The following KCND2 variants were observed in gnomAD, a reference collection of about 807,000 sequenced individuals.
The protein encoded by KCND2 is potassium voltage-gated channel subfamily D member 2.
Under a neutral mutation model 54.4 loss-of-function variants are expected in KCND2, and 16 were observed. The ratio of observed to expected loss-of-function variants is 0.29; its 90% confidence interval spans 0.20 to 0.45. The LOEUF is 0.45. Ranked by LOEUF, KCND2 falls within the 20% of genes least tolerant of loss-of-function variation. KCND2 has a pLI of 1.00. For missense variants in KCND2, 486 were observed against 824.2 expected, an observed-to-expected ratio of 0.59 and a Z score of 5.02; for synonymous variants, 317 against 310.7, an observed-to-expected ratio of 1.02 and a Z score of -0.21.
At chr7:120,584,799 C>A (rs1792571748) in intron 1 of KCND2, among the ~76,000 whole-genome samples, 3 of 152,002 alleles carry the variant, frequency 2.0e-5, no homozygotes, top group Non-Finnish European at 4.4e-5. Context: ...GTGAAAGATG[C>A]AATATTAGTT....
At chr7:120,534,631 A>G (rs1791880432) in intron 1 of KCND2, among the ~76,000 whole-genome samples, 1 of 152,196 alleles carries the variant, frequency 6.6e-6, no homozygotes, top group Non-Finnish European at 1.5e-5. Context: ...ATAGCAATGT[A>G]TCAATGTCAA....
At chr7:120,438,842 C>T (rs948972942) in intron 1 of KCND2, among the ~76,000 whole-genome samples, 1 of 151,952 alleles carries the variant, frequency 6.6e-6, no homozygotes, top group Non-Finnish European at 1.5e-5. Context: ...ATTTTCAATT[C>T]GTGTATATAG....
intron 1 of KCND2, among the ~76,000 whole-genome samples, chr7:120,388,231 AAGTTTTAAGTTCAACTATAAATCCAT>A (rs1226507075): frequency 2.6e-5 from 4 of 152,048 alleles, no homozygotes; most frequent in African/African-American, 7.2e-5. Flanking sequence ...AATAAAATCC[AAGTTTTAAGTTCAACTATAAATCCAT>A]AGTTTTAAGT....
At chr7:120,422,725 A>G (rs1191293607) in intron 1 of KCND2, among the ~76,000 whole-genome samples, 1 of 152,146 alleles carries the variant, frequency 6.6e-6, no homozygotes, top group African/African-American at 2.4e-5. Flanking sequence ...CAGCCCAGGC[A>G]GTGTGGTTAT....
At chr7:120,614,730 A>T (rs1366167416) in intron 1 of KCND2, among the ~76,000 whole-genome samples, 1 of 152,246 alleles carries the variant, frequency 6.6e-6, no homozygotes, top group African/African-American at 2.4e-5. Context: ...TATTTTTCTA[A>T]TGTTAAGTAA....
intron 1 of KCND2, among the ~76,000 whole-genome samples, chr7:120,690,106 T>A (rs1448554112): frequency 6.6e-6 from 1 of 152,238 alleles, no homozygotes; most frequent in Non-Finnish European, 1.5e-5. Flanking sequence ...TGTTTTCTTT[T>A]TTCAAAGATC....
At chr7:120,677,538 T>TA (rs1792079401) in intron 1 of KCND2, among the ~76,000 whole-genome samples, 1 of 139,538 alleles carries the variant, frequency 7.2e-6, no homozygotes, top group African/African-American at 2.9e-5. Context: ...TAGATATAGA[T>TA]ATAGATATAG....
intron 1 of KCND2, among the ~76,000 whole-genome samples, chr7:120,462,872 A>T (rs888455638): frequency 6.6e-6 from 1 of 152,190 alleles, no homozygotes; most frequent in African/African-American, 2.4e-5. Context: ...AAGTGTGCAA[A>T]TATTGAATAT....
At chr7:120,491,185 G>A (rs1282208732) in intron 1 of KCND2, among the ~76,000 whole-genome samples, 1 of 152,100 alleles carries the variant, frequency 6.6e-6, no homozygotes, top group Non-Finnish European at 1.5e-5. Context: ...ACATGAACAA[G>A]TATTACATAC....
intron 1 of KCND2, among the ~76,000 whole-genome samples, chr7:120,578,541 A>G (rs953147099): frequency 5.9e-5 from 9 of 152,090 alleles, no homozygotes; most frequent in African/African-American, 2.2e-4. Flanking sequence ...TGTCCAGCCT[A>G]GCGAACATGG....
chr7:120,572,732 G>A (rs1230478994), intron 1 of KCND2, among the ~76,000 whole-genome samples: 2 of 152,100 alleles, frequency 1.3e-5, no homozygotes, highest in Admixed American at 1.3e-4. Flanking sequence ...TGGCCAGGCT[G>A]GTCTTTAACT....
intron 1 of KCND2, among the ~76,000 whole-genome samples, chr7:120,365,870 A>G (rs1252378893): frequency 1.3e-5 from 2 of 152,172 alleles, no homozygotes; most frequent in Admixed American, 6.6e-5. Context: ...CAACATAAAT[A>G]TAACTGAAAA....
At chr7:120,564,449 T>C (rs1240655642) in intron 1 of KCND2, among the ~76,000 whole-genome samples, 1 of 152,156 alleles carries the variant, frequency 6.6e-6, no homozygotes, top group African/African-American at 2.4e-5. Context: ...ATTAGAGCTG[T>C]TTGAATAATA....
chr7:120,592,661 A>T (rs1043621653), intron 1 of KCND2, among the ~76,000 whole-genome samples: 1 of 152,226 alleles, frequency 6.6e-6, no homozygotes, highest in Non-Finnish European at 1.5e-5. Context: ...TTTCTTCATC[A>T]TGCATCAGTG....
chr7:120,307,189 C>T (rs1402076546), intron 1 of KCND2, among the ~76,000 whole-genome samples: 7 of 151,724 alleles, frequency 4.6e-5, no homozygotes, highest in African/African-American at 1.7e-4. Context: ...ACACAAACCC[C>T]TTTGTTTAAC....
intron 1 of KCND2, among the ~76,000 whole-genome samples, chr7:120,583,239 A>T (rs909576590): frequency 2.0e-5 from 3 of 152,048 alleles, no homozygotes; most frequent in Non-Finnish European, 4.4e-5. Flanking sequence ...ACAGAGCAGG[A>T]CCCACCGACA....
intron 1 of KCND2, among the ~76,000 whole-genome samples, chr7:120,665,760 A>G (rs552924717): frequency 1.1e-4 from 16 of 152,236 alleles, no homozygotes; most frequent in African/African-American, 3.4e-4. Flanking sequence ...TAATTTTGCA[A>G]TGATCAAAGT....
intron 1 of KCND2, among the ~76,000 whole-genome samples, chr7:120,400,748 G>A (rs991481839): frequency 6.6e-6 from 1 of 152,082 alleles, no homozygotes; most frequent in South Asian, 2.1e-4. Context: ...TAATTCAGTA[G>A]GCTATGCAGT....
At chr7:120,474,076 G>T (rs1562848777) in intron 1 of KCND2, among the ~76,000 whole-genome samples, 1 of 152,170 alleles carries the variant, frequency 6.6e-6, no homozygotes, top group Admixed American at 6.5e-5. Flanking sequence ...CTTCCCTGTG[G>T]CACTCTGTGG....
Sources: gnomAD v4.1 joint callset for allele counts (sites outside exome capture counted in the v4.1 genomes callset) on GRCh38, gnomAD v4.1.1 for gene constraint, MANE v1.5 for transcripts, NCBI Gene and HGNC (gene_info 2026-07-23, HGNC 2026-07-21) for gene names.